DSG4: variants seen among roughly 807,000 people sequenced by gnomAD.
The protein encoded by DSG4 is desmoglein-4.
A neutral mutation model predicts 93.1 loss-of-function variants in DSG4; 87 were observed. The ratio of observed to expected loss-of-function variants is 0.93; its 90% CI spans 0.79 to 1.12. The LOEUF (loss-of-function observed/expected upper bound fraction) is 1.12. Among genes scored for constraint, DSG4 ranks in the 50% most tolerant of loss-of-function variants. The pLI, the probability that DSG4 is intolerant of heterozygous loss-of-function variation, is 0.00. For missense variants in DSG4, 1,373 were observed against 1,285.7 expected (o/e 1.07, Z -1.04); for synonymous variants, 432 against 452.9 (o/e 0.95, Z 0.59).
chr18:31,399,216 T>C (rs1486209338), intron 8 of DSG4, 56 bp from the exon 9 acceptor site: 32 of 1,608,204 alleles, frequency 2.0e-5, no homozygotes, highest in Non-Finnish European at 2.6e-5. Flanking sequence ...GGCTTCTTAC[T>C]TTATCGAAAG....
chr18:31,406,798 G>GC (rs2072432522), intron 12 of DSG4, among the ~76,000 whole-genome samples: 1 of 150,976 alleles, frequency 6.6e-6, no homozygotes, highest in Admixed American at 6.6e-5. Context: ...TTTTTTTTGA[G>GC]ATGGAATCTT....
chr18:31,386,630 T>C, intron 2 of DSG4, 58 bp from the exon 3 acceptor site: 1 of 1,605,936 alleles, frequency 6.2e-7, no homozygotes, highest in African/African-American at 1.3e-5. Flanking sequence ...TAAATAAATG[T>C]CCTTTCTAAG....
chr18:31,394,553 G>A (rs2072284587), intron 8 of DSG4, among the ~76,000 whole-genome samples: 2 of 151,924 alleles, frequency 1.3e-5, no homozygotes, highest in Admixed American at 6.6e-5. Context: ...CTCCAGCCTC[G>A]GCAACAAAAG....
rs749789051 is a variant in DSG4, at chr18:31,391,130, C to T, written c.737C>T (p.Ala246Val). The change falls in exon 7 of 16, where the codon GCA becomes GTA. Residue 246 changes from alanine (A) to valine (V), a missense_variant. Transcript: ENST00000308128. ...VVRGSDRDGA[A>V]DGLSSECDCR... ...AGAGGCTCAGATCGGGATGGAGCTG[C>T]AGATGGACTGTCTTCTGAGTGTGAC... 2 of 1,613,686 alleles carry T rather than the reference C, an allele frequency of 1.2e-6. No individual in the cohort carries two copies. The highest frequency in any genetic ancestry group is 1.3e-5 in the African/African-American group (1 of 74,902).
In DSG4 at chr18:31,386,767, C is replaced by A; in HGVS notation, c.164C>A (p.Ala55Asp). The change falls in exon 3 of 16, where the codon GCC becomes GAC. Residue 55 changes from alanine to aspartate, a missense_variant. Physicochemically the swap from Ala to Asp is moderately radical, Grantham distance 126. Coordinates refer to ENST00000308128, the MANE Select transcript of DSG4 (RefSeq NM_177986.5). ...RRQKREWIKF[A>D]AACREGEDNS... ...CAAAAGCGGGAGTGGATCAAGTTTGCCGCAGCCTGTCGAGAAGGAGAGGAC... is the reference window on the plus strand; with the variant it reads ...CAAAAGCGGGAGTGGATCAAGTTTGACGCAGCCTGTCGAGAAGGAGAGGAC... 1 of 1,613,388 alleles carries A rather than the reference C, an allele frequency of 6.2e-7. No individual in the cohort carries two copies. The highest frequency in any genetic ancestry group is 8.5e-7 in the Non-Finnish European group (1 of 1,179,490).
At position 31,413,610 on chromosome 18, in the gene DSG4, G is replaced by A. The variant is rs751142229; in HGVS notation, c.*15G>A. Reference sequence around the variant, plus strand: ...CCCAACAGTAAGTGCTTTATGGTCAGTATTCTATGTGGAGACCTTGCACCT... The same window carrying A: ...CCCAACAGTAAGTGCTTTATGGTCAATATTCTATGTGGAGACCTTGCACCT... On this transcript the variant is annotated 3_prime_UTR_variant, in exon 16 of 16. Transcript: ENST00000308128. 4.3e-6 allele frequency: 7 copies of A among 1,610,954 alleles called. No individual in the cohort carries two copies. The highest frequency in any genetic ancestry group is 1.3e-5 in the African/African-American group (1 of 74,886).
At chr18:31,384,026 ACT>A (rs1483141998) in intron 1 of DSG4, among the ~76,000 whole-genome samples, 1 of 152,076 alleles carries the variant, frequency 6.6e-6, no homozygotes, top group Non-Finnish European at 1.5e-5. Flanking sequence ...GAATTTAATG[ACT>A]CTGCTACCAG....
intron 12 of DSG4, among the ~76,000 whole-genome samples, chr18:31,408,675 A>G (rs1371449670): frequency 6.6e-6 from 1 of 152,234 alleles, no homozygotes; most frequent in Non-Finnish European, 1.5e-5. Flanking sequence ...CCCCTCAAGC[A>G]TTTATCCTTC....
At chr18:31,397,852 C>T (rs763574854) in intron 8 of DSG4, among the ~76,000 whole-genome samples, 1 of 151,934 alleles carries the variant, frequency 6.6e-6, no homozygotes, top group Admixed American at 6.6e-5. Context: ...CAGGCAAAAC[C>T]CCCGTCTCTA....
Position 31,409,302 on chromosome 18 carries a change from C to T in DSG4, c.1934-150C>T, listed in dbSNP as rs1009683461. 1.1e-4 allele frequency: 123 copies of T among 1,142,772 alleles called. 1 individual carries two copies. The highest frequency in any genetic ancestry group is 1.4e-4 in the Non-Finnish European group (112 of 781,694). The allele number at this position is 1,142,772 out of a possible 1,614,324, so 70.8% of individuals were successfully genotyped here. On this transcript the variant is annotated intron_variant, in intron 12 of 15. Coordinates refer to ENST00000308128, the MANE Select transcript of DSG4 (RefSeq NM_177986.5). Reference sequence around the variant, plus strand: ...ATAAACTTGGATATGTATACTCAATCCCCTAAAGGAAAAAAATGAGATTTT... The same window carrying T: ...ATAAACTTGGATATGTATACTCAATTCCCTAAAGGAAAAAAATGAGATTTT...
Position 31,411,423 on chromosome 18 carries a change from C to T in DSG4, c.2330C>T (p.Ala777Val). ...RDYADADINM[A>V]FLDSYFSEKA... is the part of the protein sequence containing the mutation. ...TACGCTGACGCAGACATCAACATGG[C>T]TTTCTTGGACAGCTACTTCTCGGAG... The change falls in exon 15 of 16, where the codon GCT becomes GTT. Residue 777 changes from alanine to valine, a missense_variant. Ala to Val is a moderately conservative substitution (Grantham distance 64). Transcript: ENST00000308128. 1 of 1,611,818 alleles carries T rather than the reference C, an allele frequency of 6.2e-7. No individual in the cohort carries two copies. Among genetic ancestry groups the T allele is most frequent in the Non-Finnish European group, 8.5e-7 (1 of 1,179,960 alleles).
chr18:31,392,424 C>T, intron 8 of DSG4, 84 bp downstream of exon 8: 1 of 1,445,258 alleles, frequency 6.9e-7, no homozygotes, highest in Non-Finnish European at 9.5e-7. Context: ...CAGAATCTGC[C>T]TTTAAAAAAA....
At chr18:31,411,088 A>G (rs1267467905) in intron 14 of DSG4, 143 bp from the exon 15 acceptor site, 1 of 1,571,694 alleles carries the variant, frequency 6.4e-7, no homozygotes, top group Non-Finnish European at 8.6e-7. Flanking sequence ...GTATCGGTGT[A>G]ACTTGTATCT....
chr18:31,408,123 A>C (rs143494301), intron 12 of DSG4, among the ~76,000 whole-genome samples: 165 of 152,302 alleles, frequency 1.1e-3, no homozygotes, highest in African/African-American at 3.9e-3. Context: ...CCCATGGTCT[A>C]TTTTAGGAGA....
chr18:31,409,864 A>C (rs2144216612), intron 14 of DSG4, 56 bp downstream of exon 14: 1 of 1,580,726 alleles, frequency 6.3e-7, no homozygotes, highest in East Asian at 2.2e-5. Context: ...TTATTCAACC[A>C]GACCAACTTC....
At chr18:31,402,939 AG>A (rs2072384401) in intron 10 of DSG4, among the ~76,000 whole-genome samples, 1 of 152,224 alleles carries the variant, frequency 6.6e-6, no homozygotes, top group South Asian at 2.1e-4. Flanking sequence ...TGAGCACACA[AG>A]AAAAACACAA....
Position 31,409,813 on chromosome 18 carries a change from G to C in DSG4, c.2137+5G>C. The stretch of plus-strand genomic sequence containing the variant: ...AGGATCGGATGGATTCCTCTGGTCA[G>C]TAGACACCAAAATCTGTTTTTCCTT... On this transcript the variant is annotated splice_donor_5th_base_variant and intron_variant, in intron 14 of 15. Coordinates refer to ENST00000308128, the MANE Select transcript of DSG4 (RefSeq NM_177986.5). 6.2e-7 allele frequency: 1 copy of C among 1,614,110 alleles called. No individual in the cohort carries two copies. The highest frequency in any genetic ancestry group is 8.5e-7 in the Non-Finnish European group (1 of 1,180,016).
intron 9 of DSG4, 131 bp downstream of exon 9, chr18:31,399,674 C>G: frequency 8.5e-7 from 1 of 1,180,888 alleles, no homozygotes; most frequent in South Asian, 1.3e-5. Context: ...ATTTAAAAGA[C>G]TATTAGAGCA....
chr18:31,390,995 A>G lies in DSG4; in HGVS notation c.685-83A>G. On this transcript the variant is annotated intron_variant, in intron 6 of 15. Transcript: ENST00000308128. ...ATTTCATTGGATATGTAAATAAAAG[A>G]GTAGAGAAATAATGGCATTGAATGC... is the stretch of plus-strand genomic sequence containing the variant. 5.1e-6 allele frequency: 8 copies of G among 1,568,644 alleles called. No individual in the cohort carries two copies. The East Asian group carries it at 1.8e-4, about 36-fold the overall frequency.
Sources: gnomAD v4.1 joint callset for allele counts (sites outside exome capture counted in the v4.1 genomes callset) on GRCh38, gnomAD v4.1.1 for gene constraint, MANE v1.5 for transcripts, NCBI Gene and HGNC (gene_info 2026-07-23, HGNC 2026-07-21) for gene names.